The following SPOCK3 variants were observed in gnomAD, a reference collection of about 807,000 sequenced individuals.
SPOCK3 encodes the protein testican-3.
Under a neutral mutation model 56.6 loss-of-function variants are expected in SPOCK3, and 30 were observed. The observed-to-expected ratio is 0.53, with a 90% CI of 0.40 to 0.72. The LOEUF (loss-of-function observed/expected upper bound fraction) is 0.72. Ranked by LOEUF, SPOCK3 falls within the 30% of genes least tolerant of loss-of-function variation. SPOCK3 has a pLI of 0.00. For synonymous variants in SPOCK3, 196 were observed against 183.3 expected (o/e 1.07, Z -0.56); for missense variants, 527 against 530.0 (o/e 0.99, Z 0.06).
intron 3 of SPOCK3, among the ~76,000 whole-genome samples, chr4:167,051,337 C>T (rs1052031105): frequency 6.6e-6 from 1 of 152,166 alleles, no homozygotes; most frequent in African/African-American, 2.4e-5. Flanking sequence ...GTATGACTTT[C>T]TATGTATGTC....
chr4:166,912,729 C>T lies in SPOCK3; in HGVS notation c.365G>A (p.Gly122Glu), dbSNP rs1469021899. Reference sequence around the variant, plus strand: ...ACCCCTCCACTGCCTATGGTCTACTCCTGCTTCTTTCATCCTGTTAAAAAA... The same window carrying T: ...ACCCCTCCACTGCCTATGGTCTACTTCTGCTTCTTTCATCCTGTTAAAAAA... ...RRLTHRMKEAGVDHRQWRGPI... is the reference protein window; with the variant it reads ...RRLTHRMKEAEVDHRQWRGPI... The change falls in exon 5 of 11, where the codon GGA (glycine) becomes GAA (glutamate). Residue 122 changes from glycine to glutamate, a missense_variant. By Grantham distance (98) the Gly-to-Glu change is moderately conservative. Transcript: ENST00000357545. 6.2e-7 allele frequency: 1 copy of T among 1,601,312 alleles called. No homozygotes were observed. Among genetic ancestry groups the T allele is most frequent in the Admixed American group, 1.8e-5 (1 of 56,720 alleles).
chr4:167,080,568 C>G (rs912913767), intron 2 of SPOCK3, among the ~76,000 whole-genome samples: 1 of 151,776 alleles, frequency 6.6e-6, no homozygotes, highest in Non-Finnish European at 1.5e-5. Context: ...CTAGGAGTGA[C>G]GTCTAAACAG....
intron 6 of SPOCK3, among the ~76,000 whole-genome samples, chr4:166,800,057 C>T (rs1050952232): frequency 6.6e-6 from 1 of 151,532 alleles, no homozygotes; most frequent in African/African-American, 2.4e-5. Context: ...TGGCGGGTGC[C>T]TGTAGTCCCA....
chr4:166,902,153 A>T (rs1736116728), intron 5 of SPOCK3, among the ~76,000 whole-genome samples: 1 of 152,026 alleles, frequency 6.6e-6, no homozygotes, highest in Non-Finnish European at 1.5e-5. Context: ...AATTTTAAAA[A>T]TTTTCTTTCA....
At chr4:166,822,595 A>G (rs1745045761) in intron 6 of SPOCK3, among the ~76,000 whole-genome samples, 1 of 152,078 alleles carries the variant, frequency 6.6e-6, no homozygotes, top group South Asian at 2.1e-4. Flanking sequence ...CTTGGATCGA[A>G]TAACAGTCAT....
chr4:167,051,796 A>T (rs1754228261), intron 3 of SPOCK3, among the ~76,000 whole-genome samples: 1 of 152,188 alleles, frequency 6.6e-6, no homozygotes, highest in Admixed American at 6.5e-5. Flanking sequence ...CAGTGGTTCC[A>T]TTTCTAGATT....
chr4:166,910,940 T>C (rs1406116348), intron 5 of SPOCK3, among the ~76,000 whole-genome samples: 2 of 152,198 alleles, frequency 1.3e-5, no homozygotes, highest in Non-Finnish European at 2.9e-5. Context: ...GTTTGAATAT[T>C]ACAATCTGCA....
At chr4:167,174,524 T>C (rs946219779) in intron 2 of SPOCK3, among the ~76,000 whole-genome samples, 1 of 151,940 alleles carries the variant, frequency 6.6e-6, no homozygotes, top group Non-Finnish European at 1.5e-5. Context: ...GAGGAGGCAG[T>C]TGATGAAGTG....
At position 166,756,525 on chromosome 4, in the gene SPOCK3, C is replaced by G. The variant is rs1306958688; in HGVS notation, c.710-1796G>C. Among the ~76,000 whole-genome samples, 4 of 8,736 alleles carry G rather than the reference C, an allele frequency of 4.6e-4. 2 individuals are homozygous for G. The highest frequency in any genetic ancestry group is 7.3e-4 in the Non-Finnish European group (4 of 5,484). The allele number at this position is 8,736 out of a possible 152,430, so 5.7% of individuals were successfully genotyped here. On this transcript the variant is annotated intron_variant, in intron 7 of 10. Coordinates refer to ENST00000357545, the MANE Select transcript of SPOCK3 (RefSeq NM_001040159.2). Reference sequence around the variant, plus strand: ...GAAGAGAGCAGTAGTTCTCCCAGCACGCAGATGGAGATCTGAGAACGGGCA... The same window carrying G: ...GAAGAGAGCAGTAGTTCTCCCAGCAGGCAGATGGAGATCTGAGAACGGGCA...
Position 166,734,637 on chromosome 4 carries a change from T to C in SPOCK3, c.*284A>G, listed in dbSNP as rs186913782. ...TTGCTTATGGAAGATTTACAAAGTT[T>C]GTTCTCGTGAAAAACTTATTATAGT... On this transcript the variant is annotated 3_prime_UTR_variant, in exon 11 of 11. Coordinates refer to ENST00000357545, the MANE Select transcript of SPOCK3 (RefSeq NM_001040159.2). 404 of 255,166 alleles carry C rather than the reference T, an allele frequency of 1.6e-3. 2 individuals are homozygous for C. The highest frequency in any genetic ancestry group is 2.7e-3 in the Non-Finnish European group (365 of 136,390). The allele number at this position is 255,166 out of a possible 1,614,324, so 15.8% of individuals were successfully genotyped here.
chr4:166,940,947 C>A (rs1041604704), intron 4 of SPOCK3, among the ~76,000 whole-genome samples: 4 of 150,780 alleles, frequency 2.7e-5, no homozygotes, highest in Non-Finnish European at 5.9e-5. Context: ...GAATTCCCTC[C>A]CTTTCAGGAT....
intron 2 of SPOCK3, among the ~76,000 whole-genome samples, chr4:167,125,532 C>T (rs1165078859): frequency 1.3e-5 from 2 of 151,172 alleles, no homozygotes; most frequent in Admixed American, 1.3e-4. Context: ...GCTAACACGG[C>T]GAAACCCTGT....
chr4:167,025,412 C>A (rs1580040193), intron 3 of SPOCK3, among the ~76,000 whole-genome samples: 1 of 151,960 alleles, frequency 6.6e-6, no homozygotes. Flanking sequence ...ATACACTATA[C>A]CTGTGGCCTT....
rs1308089061 is a variant in SPOCK3, at chr4:167,205,490, ATATATAATATATAT to A, written c.189+28481_189+28494del. 7.9e-4 allele frequency among the ~76,000 whole-genome samples: 42 copies of A among 53,070 alleles called. 1 individual carries two copies. Among genetic ancestry groups the A allele is most frequent in the African/African-American group, 1.1e-3 (13 of 12,100 alleles). 34.8% of individuals were successfully genotyped at this position (53,070 alleles called of 152,430 possible). A position where few individuals can be genotyped will look rare whatever the true frequency, so the allele number is the denominator to read the frequency against. The stretch of plus-strand genomic sequence containing the variant: ...GAATTTATTTTATATATAATATATA[ATATATAATATATAT>A]TATATAATATATATTATATATATTA... On this transcript the variant is annotated intron_variant, in intron 2 of 10. Coordinates refer to ENST00000357545, the MANE Select transcript of SPOCK3 (RefSeq NM_001040159.2).
intron 6 of SPOCK3, among the ~76,000 whole-genome samples, chr4:166,837,017 C>T (rs1412687865): frequency 1.3e-5 from 2 of 152,224 alleles, no homozygotes; most frequent in African/African-American, 4.8e-5. Context: ...TGCAAGACCT[C>T]ATTGCCATGG....
At chr4:166,881,094 T>C (rs1220290402) in intron 6 of SPOCK3, among the ~76,000 whole-genome samples, 1 of 152,102 alleles carries the variant, frequency 6.6e-6, no homozygotes, top group South Asian at 2.1e-4. Context: ...TTTCAACATA[T>C]ACTTTTAAAT....
intron 2 of SPOCK3, among the ~76,000 whole-genome samples, chr4:167,126,439 C>T (rs370779594): frequency 1.3e-5 from 2 of 152,134 alleles, no homozygotes; most frequent in Non-Finnish European, 1.5e-5. Context: ...ATCCTGGCTA[C>T]TTGGGAGGCT....
At chr4:166,751,723 A>C (rs1366106299) in intron 8 of SPOCK3, among the ~76,000 whole-genome samples, 1 of 152,142 alleles carries the variant, frequency 6.6e-6, no homozygotes, top group African/African-American at 2.4e-5. Flanking sequence ...AGCGTTTTCA[A>C]TAGAATAGCA....
chr4:167,012,384 G>A (rs145025518), intron 3 of SPOCK3, among the ~76,000 whole-genome samples: 1 of 151,896 alleles, frequency 6.6e-6, no homozygotes, highest in African/African-American at 2.4e-5. Context: ...TTGTATTGTG[G>A]CACATATATC....
Sources: gnomAD v4.1 joint callset for allele counts (sites outside exome capture counted in the v4.1 genomes callset) on GRCh38, gnomAD v4.1.1 for gene constraint, MANE v1.5 for transcripts, NCBI Gene and HGNC (gene_info 2026-07-23, HGNC 2026-07-21) for gene names.